The following PRKN variants were observed in gnomAD, a reference collection of about 807,000 sequenced individuals.
PRKN encodes E3 ubiquitin-protein ligase parkin.
In PRKN, 56 loss-of-function variants were observed where a neutral mutation model predicts 59.5. The ratio of observed to expected loss-of-function variants is 0.94; its 90% CI spans 0.76 to 1.18. PRKN has a LOEUF of 1.18. Ranked by LOEUF, PRKN falls within the 50% of genes most tolerant of loss-of-function variation. The pLI is 0.00. For synonymous variants in PRKN, 250 were observed against 222.1 expected, an observed-to-expected ratio of 1.13 and a Z score of -1.12; for missense variants, 657 against 596.4, an observed-to-expected ratio of 1.10 and a Z score of -1.06.
intron 3 of PRKN, among the ~76,000 whole-genome samples, chr6:162,237,844 C>T (rs916373934): frequency 4.6e-5 from 7 of 151,836 alleles, no homozygotes; most frequent in Non-Finnish European, 7.4e-5. Flanking sequence ...CTCCCAGATA[C>T]GTACTGGCCA....
rs1785731442 is a variant in PRKN at position 161,376,926 on chromosome 6, G to C, written c.1167+9868C>G. ...GGAAGCAAACTCTAAAATGGAGTTA[G>C]AGCTGGAATCCCTCCCGCCAGTGGC... On this transcript the variant is annotated intron_variant, in intron 10 of 11. Coordinates refer to ENST00000366898, the MANE Select transcript of PRKN (RefSeq NM_004562.3). This position sits in a 1 kb window ranked among gnomAD's most constrained non-coding sequence, Gnocchi z 7.3. 6.6e-6 allele frequency among the ~76,000 whole-genome samples: 1 copy of C among 152,236 alleles called. No individual in the cohort carries two copies. Among genetic ancestry groups the C allele is most frequent in the Non-Finnish European group, 1.5e-5 (1 of 68,044 alleles).
chr6:162,451,791 A>C (rs528688267), intron 1 of PRKN, among the ~76,000 whole-genome samples: 1 of 152,270 alleles, frequency 6.6e-6, no homozygotes, highest in Non-Finnish European at 1.5e-5. Context: ...CACAAAGAAA[A>C]AATGAAAGAA....
At chr6:161,953,367 C>G (rs992558504) in intron 6 of PRKN, among the ~76,000 whole-genome samples, 7 of 152,180 alleles carry the variant, frequency 4.6e-5, no homozygotes, top group African/African-American at 1.7e-4. Context: ...GCCTCGGCCT[C>G]CCAAAATGTT....
chr6:162,449,698 T>A (rs984737442), intron 1 of PRKN, among the ~76,000 whole-genome samples: 10 of 152,184 alleles, frequency 6.6e-5, no homozygotes, highest in Non-Finnish European at 1.2e-4. Context: ...TCTTTGAAGA[T>A]CTTTGTGACA....
At chr6:162,051,105 G>A (rs1777622265) in intron 5 of PRKN, among the ~76,000 whole-genome samples, 1 of 152,124 alleles carries the variant, frequency 6.6e-6, no homozygotes, top group South Asian at 2.1e-4. Context: ...GATCTCCTAT[G>A]CAAAGAAAGG....
chr6:162,216,120 C>G (rs1777640032), intron 3 of PRKN, among the ~76,000 whole-genome samples: 1 of 152,168 alleles, frequency 6.6e-6, no homozygotes, highest in South Asian at 2.1e-4. Context: ...TGGGGAATAG[C>G]TGCAGCCACT....
At chr6:162,443,887 A>C (rs1040289799) in intron 1 of PRKN, among the ~76,000 whole-genome samples, 5 of 147,338 alleles carry the variant, frequency 3.4e-5, no homozygotes, top group African/African-American at 1.3e-4. Flanking sequence ...ATGTGTTAGC[A>C]CTCAAGGTAT....
At chr6:162,543,346 C>T (rs182624692) in intron 1 of PRKN, among the ~76,000 whole-genome samples, 4 of 152,048 alleles carry the variant, frequency 2.6e-5, no homozygotes, top group Non-Finnish European at 5.9e-5. Flanking sequence ...GCAGTCACAT[C>T]GGCAAAAAAT....
chr6:162,300,217 T>G (rs1200898922), intron 2 of PRKN, among the ~76,000 whole-genome samples: 4 of 152,088 alleles, frequency 2.6e-5, no homozygotes, highest in Admixed American at 6.6e-5. Flanking sequence ...ATGTGTTTTG[T>G]CGGCCTTTAA....
intron 2 of PRKN, among the ~76,000 whole-genome samples, chr6:162,265,823 G>A (rs965838348): frequency 7.2e-5 from 11 of 152,240 alleles, no homozygotes; most frequent in South Asian, 2.1e-4. Context: ...CTGAGGCCGC[G>A]GGCACCCTCG....
intron 1 of PRKN, among the ~76,000 whole-genome samples, chr6:162,595,860 T>C (rs914525075): frequency 6.6e-6 from 1 of 152,178 alleles, no homozygotes; most frequent in Non-Finnish European, 1.5e-5. Context: ...ATAAAAAGTT[T>C]ACAAATAGAT....
chr6:162,344,205 A>G (rs1041880883), intron 2 of PRKN, among the ~76,000 whole-genome samples: 1 of 152,178 alleles, frequency 6.6e-6, no homozygotes, highest in Non-Finnish European at 1.5e-5. Context: ...CATATTGCAC[A>G]GCATTTTCTG....
At chr6:161,861,843 T>G (rs1793916680) in intron 6 of PRKN, among the ~76,000 whole-genome samples, 1 of 152,212 alleles carries the variant, frequency 6.6e-6, no homozygotes, top group South Asian at 2.1e-4. Context: ...GTGACTAGAT[T>G]TGTTTCCTGT....
At chr6:162,286,587 A>G (rs1041377284) in intron 2 of PRKN, among the ~76,000 whole-genome samples, 2 of 152,236 alleles carry the variant, frequency 1.3e-5, no homozygotes, top group African/African-American at 4.8e-5. Context: ...AAAATGCTAG[A>G]TCGCTCTCAA....
chr6:162,062,223 G>C (rs183826867), intron 4 of PRKN, among the ~76,000 whole-genome samples: 2 of 152,248 alleles, frequency 1.3e-5, no homozygotes, highest in Non-Finnish European at 2.9e-5. Context: ...CTATTCAGTG[G>C]ATGACCACTC....
chr6:162,361,245 A>T (rs985202188), intron 2 of PRKN, among the ~76,000 whole-genome samples: 1 of 152,150 alleles, frequency 6.6e-6, no homozygotes, highest in Non-Finnish European at 1.5e-5. Flanking sequence ...AGAGAGAGAA[A>T]GGGTTATGGA....
chr6:161,706,228 AG>A (rs1328262271), intron 7 of PRKN, among the ~76,000 whole-genome samples: 6 of 152,186 alleles, frequency 3.9e-5, no homozygotes, highest in Non-Finnish European at 7.3e-5. Flanking sequence ...TATCATCTGA[AG>A]AAGCCCCACA....
intron 1 of PRKN, among the ~76,000 whole-genome samples, chr6:162,477,129 T>C (rs767839988): frequency 6.6e-6 from 1 of 152,148 alleles, no homozygotes; most frequent in African/African-American, 2.4e-5. Context: ...AAAATGAAAT[T>C]GAAATAAAGC....
intron 7 of PRKN, among the ~76,000 whole-genome samples, chr6:161,767,337 C>T (rs760356030): frequency 5.9e-5 from 9 of 152,140 alleles, no homozygotes; most frequent in African/African-American, 1.9e-4. Context: ...CACGGTGAAA[C>T]GCCATCTCTA....
Sources: allele counts gnomAD v4.1 joint callset (sites outside exome capture counted in the v4.1 genomes callset), GRCh38; gene constraint gnomAD v4.1.1; non-coding constraint Gnocchi (gnomAD v3.1); transcripts MANE v1.5; gene names NCBI Gene and HGNC (gene_info 2026-07-23, HGNC 2026-07-21).